Variants in DPP10 observed in about 807,000 individuals in gnomAD.
The protein encoded by DPP10 is inactive dipeptidyl peptidase 10.
DPP10 carries 33 observed loss-of-function variants against 120.9 expected under a neutral mutation model. The observed-to-expected ratio is 0.27, with a 90% CI of 0.21 to 0.37. The LOEUF (loss-of-function observed/expected upper bound fraction) is 0.37. DPP10 is among the 10% of genes least tolerant of loss of function. DPP10 has a pLI of 1.00. For synonymous variants in DPP10, 337 were observed against 326.1 expected (o/e 1.03, Z -0.36); for missense variants, 816 against 942.8 (o/e 0.87, Z 1.76).
chr2:115,516,362 A>G (rs2077502456), intron 4 of DPP10, among the ~76,000 whole-genome samples: 1 of 152,084 alleles, frequency 6.6e-6, no homozygotes, highest in Non-Finnish European at 1.5e-5. Context: ...TAAATCTAAA[A>G]TTATTCTTTT....
intron 2 of DPP10, among the ~76,000 whole-genome samples, chr2:115,341,879 A>G (rs1364559117): frequency 2.0e-5 from 3 of 152,120 alleles, no homozygotes; most frequent in Admixed American, 1.3e-4. Flanking sequence ...AATTTTGGCA[A>G]TTATTAATAA....
chr2:115,017,129 G>A (rs140071109), intron 1 of DPP10, among the ~76,000 whole-genome samples: 7,532 of 150,656 alleles, frequency 0.05, 281 homozygotes, highest in East Asian at 0.15. Context: ...AATGGGTGCA[G>A]CACACCAGCA....
At chr2:114,693,154 T>G (rs545077299) in intron 1 of DPP10, among the ~76,000 whole-genome samples, 2 of 152,122 alleles carry the variant, frequency 1.3e-5, no homozygotes, top group East Asian at 3.9e-4. Context: ...GAATTGTGTA[T>G]GTGGTTGCTT....
intron 15 of DPP10, among the ~76,000 whole-genome samples, chr2:115,778,444 G>A (rs889965225): frequency 1.1e-4 from 16 of 152,066 alleles, no homozygotes; most frequent in Middle Eastern, 3.2e-3. Flanking sequence ...AAAGGCTTAA[G>A]CTCACACCTA....
At chr2:115,334,306 G>C (rs1435506105) in intron 2 of DPP10, among the ~76,000 whole-genome samples, 2 of 136,724 alleles carry the variant, frequency 1.5e-5, no homozygotes, top group Non-Finnish European at 1.5e-5. Flanking sequence ...GCAAAAGAAA[G>C]ATATATAGAA....
chr2:115,465,368 A>G (rs985201583), intron 3 of DPP10, among the ~76,000 whole-genome samples: 56 of 152,328 alleles, frequency 3.7e-4, no homozygotes, highest in African/African-American at 1.3e-3. Flanking sequence ...ACTATACTTT[A>G]AAAGATCTAT....
At chr2:114,701,070 C>T (rs1245099939) in intron 1 of DPP10, among the ~76,000 whole-genome samples, 1 of 151,884 alleles carries the variant, frequency 6.6e-6, no homozygotes, top group East Asian at 1.9e-4. Context: ...TGGTTAGGAC[C>T]TGAAAACCTA....
chr2:115,835,132 T>C (rs1185245736), intron 21 of DPP10, among the ~76,000 whole-genome samples: 14 of 149,700 alleles, frequency 9.4e-5, no homozygotes, highest in Non-Finnish European at 4.4e-5. Flanking sequence ...CAAGACTCTG[T>C]CTAAAAAAAA....
At chr2:114,557,775 G>T (rs1448729776) in intron 1 of DPP10, among the ~76,000 whole-genome samples, 1 of 152,140 alleles carries the variant, frequency 6.6e-6, no homozygotes, top group Non-Finnish European at 1.5e-5. Context: ...AAAGGAAAAA[G>T]TGTGGGTAAT....
At chr2:114,989,236 A>G (rs1310414123) in intron 1 of DPP10, among the ~76,000 whole-genome samples, 1 of 152,144 alleles carries the variant, frequency 6.6e-6, no homozygotes, top group Admixed American at 6.5e-5. Context: ...TTCTCAGTTC[A>G]TAGGACATTG....
chr2:115,640,398 C>A (rs1188551352), intron 5 of DPP10, among the ~76,000 whole-genome samples: 1 of 151,078 alleles, frequency 6.6e-6, no homozygotes, highest in South Asian at 2.1e-4. Context: ...TGACCTCTTC[C>A]ATCTTTATGT....
chr2:115,680,844 A>G (rs1289190052), intron 5 of DPP10, among the ~76,000 whole-genome samples: 1 of 151,964 alleles, frequency 6.6e-6, no homozygotes, highest in African/African-American at 2.4e-5. Flanking sequence ...GAGCTTTTAG[A>G]GATCAATAAG....
At chr2:115,148,230 T>C (rs1378040401) in intron 1 of DPP10, among the ~76,000 whole-genome samples, 3 of 152,174 alleles carry the variant, frequency 2.0e-5, no homozygotes, top group African/African-American at 4.8e-5. Context: ...TCAGGACCTA[T>C]TGCTTTTCTT....
At chr2:115,827,893 G>A (rs909014249) in intron 21 of DPP10, among the ~76,000 whole-genome samples, 1 of 151,886 alleles carries the variant, frequency 6.6e-6, no homozygotes, top group Non-Finnish European at 1.5e-5. Flanking sequence ...CACTGCACCC[G>A]GCCTAAAAGT....
chr2:114,549,155 G>A (rs919092026), intron 1 of DPP10, among the ~76,000 whole-genome samples: 3 of 151,832 alleles, frequency 2.0e-5, no homozygotes, highest in Non-Finnish European at 4.4e-5. Context: ...TTGTCAGCGT[G>A]CACATGCATG....
intron 3 of DPP10, among the ~76,000 whole-genome samples, chr2:115,399,668 A>T (rs2067924152): frequency 6.6e-6 from 1 of 152,116 alleles, no homozygotes; most frequent in African/African-American, 2.4e-5. Context: ...TTAAAGTCCC[A>T]TTTAGCTATA....
At chr2:115,489,270 A>G (rs1176764435) in intron 3 of DPP10, among the ~76,000 whole-genome samples, 1 of 151,856 alleles carries the variant, frequency 6.6e-6, no homozygotes, top group African/African-American at 2.4e-5. Flanking sequence ...AAGCCAGATT[A>G]GCCCAATGCT....
chr2:115,164,183 C>G (rs2052656363), intron 1 of DPP10, among the ~76,000 whole-genome samples: 1 of 152,038 alleles, frequency 6.6e-6, no homozygotes, highest in Admixed American at 6.6e-5. Context: ...CATGGCACCT[C>G]GCAGTGAGGG....
chr2:115,543,029 A>T (rs2079267547), intron 5 of DPP10, among the ~76,000 whole-genome samples: 1 of 151,960 alleles, frequency 6.6e-6, no homozygotes, highest in Non-Finnish European at 1.5e-5. Flanking sequence ...TTGGCATGAG[A>T]CGGGAAGCAT....
Sources: gnomAD v4.1 joint callset for allele counts (sites outside exome capture counted in the v4.1 genomes callset) on GRCh38, gnomAD v4.1.1 for gene constraint, MANE v1.5 for transcripts, NCBI Gene and HGNC (gene_info 2026-07-23, HGNC 2026-07-21) for gene names.